ZAP70: variants seen among roughly 807,000 people sequenced by gnomAD.
ZAP70 encodes the protein tyrosine-protein kinase ZAP-70.
A neutral mutation model predicts 65.8 loss-of-function variants in ZAP70; 27 were observed. The observed-to-expected ratio is 0.41, with a 90% CI of 0.30 to 0.57. ZAP70 has a LOEUF of 0.57. Among genes scored for constraint, ZAP70 ranks in the 20% least tolerant of loss-of-function variants. ZAP70 has a pLI of 0.28. For missense variants in ZAP70, 696 were observed against 870.5 expected (o/e 0.80, Z 2.52); for synonymous variants, 363 against 360.8 (o/e 1.01, Z -0.07).
At chr2:97,742,812 T>C (rs1020828515), downstream of ZAP70, among the ~76,000 whole-genome samples, 6 of 152,346 alleles carry the variant, frequency 3.9e-5, no homozygotes, top group Middle Eastern at 3.4e-3. Flanking sequence ...ACCAAGGCTC[T>C]GAGGACTTGG....
intron 4 of ZAP70, 46 bp from the exon 5 acceptor site, chr2:97,732,837 C>A: frequency 1.2e-6 from 2 of 1,611,956 alleles, no homozygotes; most frequent in South Asian, 1.1e-5. Context: ...CAGCAGGAGG[C>A]CCCCAGGTGG....
chr2:97,727,812 T>C (rs975815768), intron 4 of ZAP70, among the ~76,000 whole-genome samples: 1 of 152,090 alleles, frequency 6.6e-6, no homozygotes, highest in Non-Finnish European at 1.5e-5. Context: ...TTTCTTCTTC[T>C]CTCTTTCCCT....
At chr2:97,719,955 G>T (rs1677097491) in intron 2 of ZAP70, among the ~76,000 whole-genome samples, 1 of 152,110 alleles carries the variant, frequency 6.6e-6, no homozygotes, top group South Asian at 2.1e-4. Flanking sequence ...CTTGGAACCT[G>T]GTTTCTTTCA....
the ZAP70 span, among the ~76,000 whole-genome samples, chr2:97,752,272 G>T: frequency 6.6e-6 from 1 of 152,326 alleles, no homozygotes; most frequent in Non-Finnish European, 1.5e-5. Flanking sequence ...TTCACAGGGG[G>T]ATGTTTTGTA....
Position 97,738,028 on chromosome 2 carries a change from G to C in ZAP70, c.1657G>C (p.Glu553Gln). 3 of 1,613,220 alleles carry C rather than the reference G, an allele frequency of 1.9e-6. No homozygotes were observed. The highest frequency in any genetic ancestry group is 2.5e-6 in the Non-Finnish European group (3 of 1,179,504). The change falls in exon 13 of 14, where the codon GAG (glutamate) becomes CAG (glutamine). Residue 553 changes from glutamate to glutamine, a missense_variant. Physicochemically the swap from Glu to Gln is conservative, Grantham distance 29. This residue lies in a region of ZAP70 where 67 missense variants were observed against 151.9 expected (regional missense o/e 0.44). Transcript: ENST00000264972. ...MKGPEVMAFI[E>Q]QGKRMECPPE... Reference sequence around the variant, plus strand: ...AGGGCCGGAGGTCATGGCCTTCATCGAGCAGGGCAAGCGGATGGAGTGCCC... The same window carrying C: ...AGGGCCGGAGGTCATGGCCTTCATCCAGCAGGGCAAGCGGATGGAGTGCCC...
Position 97,736,699 on chromosome 2 carries a change from C to T in ZAP70, c.1290-774C>T, listed in dbSNP as rs1230540513. On this transcript the variant is annotated intron_variant, in intron 10 of 13. Transcript: ENST00000264972. The surrounding 1 kb of genome is among the most constrained non-coding windows in gnomAD (Gnocchi z 4.0). ...ACTGAGGGAGGCCGCCATGCCCAGA[C>T]GTGGGGAAGGGCATTCCAGGCAAAG... 6.6e-6 allele frequency among the ~76,000 whole-genome samples: 1 copy of T among 152,130 alleles called. No homozygotes were observed. Among genetic ancestry groups the T allele is most frequent in the Non-Finnish European group, 1.5e-5 (1 of 68,042 alleles).
chr2:97,720,385 G>A (rs1462568678), intron 2 of ZAP70, among the ~76,000 whole-genome samples: 3 of 151,958 alleles, frequency 2.0e-5, no homozygotes, highest in African/African-American at 4.8e-5. Flanking sequence ...CCACCACCAC[G>A]CCCGACTAAT....
At chr2:97,751,493 G>A in the ZAP70 span, among the ~76,000 whole-genome samples, 1 of 152,140 alleles carries the variant, frequency 6.6e-6, no homozygotes, top group Non-Finnish European at 1.5e-5. Context: ...GAATTTTGGA[G>A]GTTTCTGAGA....
intron 4 of ZAP70, among the ~76,000 whole-genome samples, chr2:97,725,764 C>T (rs1333211874): frequency 3.9e-5 from 6 of 152,150 alleles, no homozygotes; most frequent in Non-Finnish European, 7.3e-5. Flanking sequence ...AGAGGCCTTC[C>T]TGAGAAGGTG....
chr2:97,748,710 A>G, the ZAP70 span, among the ~76,000 whole-genome samples: 1 of 152,302 alleles, frequency 6.6e-6, no homozygotes, highest in Non-Finnish European at 1.5e-5. Flanking sequence ...GGTGTTCTCA[A>G]TGGGGCACCT....
At chr2:97,747,469 G>T in the ZAP70 span, among the ~76,000 whole-genome samples, 1 of 152,226 alleles carries the variant, frequency 6.6e-6, no homozygotes, top group South Asian at 2.1e-4. Flanking sequence ...GACACAAAAA[G>T]CCACATATTG....
In ZAP70 at chr2:97,736,184, T is replaced by G. The variant is rs959024346; in HGVS notation, c.1289+728T>G. 1.2e-4 allele frequency among the ~76,000 whole-genome samples: 18 copies of G among 152,132 alleles called. No homozygotes were observed. The highest frequency in any genetic ancestry group is 4.3e-4 in the African/African-American group (18 of 41,434). On this transcript the variant is annotated intron_variant, in intron 10 of 13. Coordinates refer to ENST00000264972, the MANE Select transcript of ZAP70 (RefSeq NM_001079.4). The surrounding 1 kb of genome is among the most constrained non-coding windows in gnomAD (Gnocchi z 4.0). ...CGTGGTTTTCTATTTTTAATTTTTT[T>G]TTTTTTAAAGAAACAAAAACGAAGA...
At position 97,736,725 on chromosome 2, in the gene ZAP70, G is replaced by T. The variant is rs1048392121; in HGVS notation, c.1290-748G>T. 6.6e-6 allele frequency among the ~76,000 whole-genome samples: 1 copy of T among 152,204 alleles called. No homozygotes were observed. Among genetic ancestry groups the T allele is most frequent in the African/African-American group, 2.4e-5 (1 of 41,450 alleles). ...GTGGGGAAGGGCATTCCAGGCAAAG[G>T]GCACCGCCTGTGCAGAGGCCCTGAG... On this transcript the variant is annotated intron_variant, in intron 10 of 13. Coordinates refer to ENST00000264972, the MANE Select transcript of ZAP70 (RefSeq NM_001079.4). This position sits in a 1 kb window ranked among gnomAD's most constrained non-coding sequence, Gnocchi z 4.0.
In ZAP70 at chr2:97,734,550, C is replaced by T. The variant is rs201386206; in HGVS notation, c.920C>T (p.Pro307Leu). 31 of 1,613,980 alleles carry T rather than the reference C, an allele frequency of 1.9e-5. No individual in the cohort carries two copies. Among genetic ancestry groups the T allele is most frequent in the Admixed American group, 1.8e-4 (11 of 60,008 alleles). ...ATAACGTCCCCAGACAAACCGCGGC[C>T]GATGCCCATGGACACGAGCGTGTAT... ...ARITSPDKPR[P>L]MPMDTSVYES... The change falls in exon 9 of 14, where the codon CCG becomes CTG. Residue 307 changes from proline (P) to leucine (L), a missense_variant. Pro to Leu is a moderately conservative substitution (Grantham distance 98, BLOSUM62 -3). Around this residue, in one of 3 missense-constraint regions of ZAP70, gnomAD observed 551 missense variants for 630.0 expected, o/e 0.87. Coordinates refer to ENST00000264972, the MANE Select transcript of ZAP70 (RefSeq NM_001079.4).
intron 2 of ZAP70, among the ~76,000 whole-genome samples, chr2:97,720,652 G>A (rs561358462): frequency 3.9e-5 from 6 of 152,254 alleles, no homozygotes; most frequent in Admixed American, 6.5e-5. Context: ...TCGCCCAGCC[G>A]CTTCATGACT....
At chr2:97,746,853 T>C in the ZAP70 span, among the ~76,000 whole-genome samples, 1 of 152,196 alleles carries the variant, frequency 6.6e-6, no homozygotes, top group African/African-American at 2.4e-5. Flanking sequence ...ATCCAACTTA[T>C]ATAAAGACCT....
chr2:97,716,263 G>C (rs1206325892), intron 2 of ZAP70, among the ~76,000 whole-genome samples: 1 of 152,152 alleles, frequency 6.6e-6, no homozygotes, highest in African/African-American at 2.4e-5. Context: ...CAGGTGTCAG[G>C]TTCCACCGGT....
At chr2:97,734,491 C>T in intron 8 of ZAP70, 29 bp from the exon 9 acceptor site, 1 of 1,605,292 alleles carries the variant, frequency 6.2e-7, no homozygotes, top group South Asian at 1.1e-5. Flanking sequence ...CTGCCCCTGA[C>T]CTGGGAGTGT....
chr2:97,730,156 G>A (rs1365152707), intron 4 of ZAP70, among the ~76,000 whole-genome samples: 1 of 152,238 alleles, frequency 6.6e-6, no homozygotes, highest in African/African-American at 2.4e-5. Context: ...GAACCCAGGA[G>A]GTGGAGGTTG....
Sources: allele counts gnomAD v4.1 joint callset (sites outside exome capture counted in the v4.1 genomes callset), GRCh38; gene constraint gnomAD v4.1.1; regional missense constraint gnomAD v4.1.1; non-coding constraint Gnocchi (gnomAD v3.1); transcripts MANE v1.5; gene names NCBI Gene and HGNC (gene_info 2026-07-23, HGNC 2026-07-21).